The following CPNE4 variants were observed in gnomAD, a reference collection of about 807,000 sequenced individuals.
CPNE4 encodes copine 4.
A neutral mutation model predicts 67.9 loss-of-function variants in CPNE4; 25 were observed. The observed-to-expected ratio is 0.37, with a 90% CI of 0.27 to 0.51. CPNE4 has a LOEUF of 0.51. Among genes scored for constraint, CPNE4 ranks in the 20% least tolerant of loss-of-function variants. CPNE4 has a pLI of 0.93. For synonymous variants in CPNE4, 242 were observed against 244.9 expected (o/e 0.99, Z 0.11); for missense variants, 464 against 690.8 (o/e 0.67, Z 3.68).
At chr3:131,612,141 A>C (rs1415105567) in intron 7 of CPNE4, among the ~76,000 whole-genome samples, 1 of 151,450 alleles carries the variant, frequency 6.6e-6, no homozygotes, top group Admixed American at 6.6e-5. Flanking sequence ...TGGGAGGCCA[A>C]GGCAGGCAGA....
chr3:131,874,583 T>A (rs1317769746), intron 2 of CPNE4, among the ~76,000 whole-genome samples: 1 of 152,210 alleles, frequency 6.6e-6, no homozygotes, highest in South Asian at 2.1e-4. Flanking sequence ...CACCACTGAC[T>A]TCACAACTTT....
chr3:131,983,985 C>T (rs557523301), intron 1 of CPNE4, among the ~76,000 whole-genome samples: 108 of 152,270 alleles, frequency 7.1e-4, no homozygotes, highest in Middle Eastern at 6.8e-3. Context: ...ATTCAGTACT[C>T]CTGCCAAAAG....
chr3:131,946,219 C>T (rs1318622288), intron 1 of CPNE4, among the ~76,000 whole-genome samples: 1 of 152,136 alleles, frequency 6.6e-6, no homozygotes, highest in Admixed American at 6.5e-5. Flanking sequence ...AATCCACATT[C>T]CATCTCTATG....
At chr3:131,758,967 T>A (rs1350086993) in intron 2 of CPNE4, among the ~76,000 whole-genome samples, 1 of 152,182 alleles carries the variant, frequency 6.6e-6, no homozygotes, top group Non-Finnish European at 1.5e-5. Flanking sequence ...AACCTCTTTT[T>A]CTTCCCCGTG....
intron 1 of CPNE4, among the ~76,000 whole-genome samples, chr3:132,013,996 AAAAC>A (rs780282360): frequency 1.4e-4 from 22 of 152,164 alleles, no homozygotes; most frequent in South Asian, 4.1e-4. Context: ...AGGAGGGAAA[AAAAC>A]AAACAAAGTC....
chr3:131,733,242 T>C (rs963889931), intron 2 of CPNE4, among the ~76,000 whole-genome samples: 9 of 152,254 alleles, frequency 5.9e-5, no homozygotes, highest in African/African-American at 1.9e-4. Flanking sequence ...CAGCAATTTT[T>C]CAAGTGGGGC....
At chr3:131,716,609 C>T (rs1229460335) in intron 3 of CPNE4, among the ~76,000 whole-genome samples, 1 of 152,162 alleles carries the variant, frequency 6.6e-6, no homozygotes, top group East Asian at 1.9e-4. Flanking sequence ...ACATGTTGGT[C>T]TCTACAAGCA....
chr3:131,542,735 C>G lies in CPNE4; in HGVS notation c.1361G>C (p.Arg454Pro). ...DGVITDMADT[R>P]EAIVHASHLP... The stretch of plus-strand genomic sequence containing the variant: ...GTGGGAGGCATGGACAATGGCCTCC[C>G]GGGTGTCGGCCATGTCTGTGATAAC... The change falls in exon 15 of 16, where the codon CGG (arginine) becomes CCG (proline). Residue 454 changes from arginine (R) to proline (P), a missense_variant. By Grantham distance (103) the Arg-to-Pro change is moderately radical. Coordinates refer to ENST00000429747, the MANE Select transcript of CPNE4 (RefSeq NM_130808.3). 1 of 1,613,982 alleles carries G rather than the reference C, an allele frequency of 6.2e-7. No individual in the cohort carries two copies. Among genetic ancestry groups the G allele is most frequent in the Non-Finnish European group, 8.5e-7 (1 of 1,179,970 alleles).
chr3:131,862,664 T>C (rs902572335), intron 2 of CPNE4, among the ~76,000 whole-genome samples: 1 of 151,438 alleles, frequency 6.6e-6, no homozygotes, highest in Non-Finnish European at 1.5e-5. Context: ...CAGAAAATCA[T>C]GTGTATTTCA....
chr3:131,754,918 T>C (rs1434912405), intron 2 of CPNE4, among the ~76,000 whole-genome samples: 6 of 152,198 alleles, frequency 3.9e-5, no homozygotes, highest in Non-Finnish European at 7.3e-5. Flanking sequence ...TACTATATTC[T>C]TTTCAATGTC....
intron 2 of CPNE4, among the ~76,000 whole-genome samples, chr3:131,874,210 C>T (rs933200450): frequency 7.7e-4 from 117 of 151,932 alleles, no homozygotes; most frequent in African/African-American, 2.7e-3. Context: ...TGCCTCAGCC[C>T]CCCGAGTAGC....
chr3:131,780,985 G>A (rs13085853), intron 2 of CPNE4, among the ~76,000 whole-genome samples: 81 of 152,160 alleles, frequency 5.3e-4, no homozygotes, highest in Non-Finnish European at 9.6e-4. Flanking sequence ...AGGTCTGGAA[G>A]TAGAGGTGGT....
intron 1 of CPNE4, among the ~76,000 whole-genome samples, chr3:131,959,948 A>T (rs1384552658): frequency 1.3e-5 from 2 of 152,228 alleles, no homozygotes; most frequent in Non-Finnish European, 2.9e-5. Flanking sequence ...GCTACTGCAA[A>T]TTTAAGTAAT....
rs1026323470 is a variant in CPNE4 at position 131,611,431 on chromosome 3, G to A, written c.682-23849C>T. 3.9e-5 allele frequency among the ~76,000 whole-genome samples: 6 copies of A among 152,192 alleles called. No individual in the cohort carries two copies. The East Asian group carries it at 7.7e-4, about 20-fold the overall frequency. ...ATAAATGCTTGTCATTGGGCCACAT[G>A]TGGAATATGGAGGTTGACTTGTGAT... On this transcript the variant is annotated intron_variant, in intron 7 of 15. Coordinates refer to ENST00000429747, the MANE Select transcript of CPNE4 (RefSeq NM_130808.3).
At chr3:132,029,329 G>C (rs929056576) in intron 1 of CPNE4, among the ~76,000 whole-genome samples, 1 of 152,156 alleles carries the variant, frequency 6.6e-6, no homozygotes, top group African/African-American at 2.4e-5. Context: ...TCTCCGCAGC[G>C]AGGCAATCCA....
intron 7 of CPNE4, among the ~76,000 whole-genome samples, chr3:131,663,065 T>C (rs904247822): frequency 1.3e-5 from 2 of 152,134 alleles, no homozygotes; most frequent in African/African-American, 4.8e-5. Flanking sequence ...CCAACCCAAA[T>C]GCCCATTAAT....
At chr3:131,605,892 A>T (rs1939471939) in intron 7 of CPNE4, among the ~76,000 whole-genome samples, 1 of 152,158 alleles carries the variant, frequency 6.6e-6, no homozygotes, top group East Asian at 1.9e-4. Context: ...AGGGCCAAGG[A>T]ATAGTTTAAT....
intron 7 of CPNE4, among the ~76,000 whole-genome samples, chr3:131,602,773 A>G (rs1194274941): frequency 6.6e-6 from 1 of 152,166 alleles, no homozygotes; most frequent in Non-Finnish European, 1.5e-5. Flanking sequence ...CACTGGTTCA[A>G]CCTGTACCAC....
chr3:131,656,528 T>A (rs1429893557), intron 7 of CPNE4, among the ~76,000 whole-genome samples: 2 of 152,204 alleles, frequency 1.3e-5, no homozygotes, highest in Non-Finnish European at 2.9e-5. Context: ...TGGGCTTGTG[T>A]ATATATCCAT....
Sources: gnomAD v4.1 joint callset for allele counts (sites outside exome capture counted in the v4.1 genomes callset) on GRCh38, gnomAD v4.1.1 for gene constraint, MANE v1.5 for transcripts, NCBI Gene and HGNC (gene_info 2026-07-23, HGNC 2026-07-21) for gene names.